Variants in MYO9A observed in about 807,000 individuals in gnomAD.
MYO9A encodes myosin IXA, also known as unconventional myosin-IXa.
A neutral mutation model predicts 293.3 loss-of-function variants in MYO9A; 103 were observed. The ratio of observed to expected loss-of-function variants is 0.35; its 90% CI spans 0.30 to 0.41. MYO9A has a LOEUF of 0.41. Ranked by LOEUF, MYO9A falls within the 10% of genes least tolerant of loss-of-function variation. MYO9A has a pLI of 1.00. For synonymous variants in MYO9A, 1,001 were observed against 1,035.7 expected, an observed-to-expected ratio of 0.97 and a Z score of 0.64; for missense variants, 2,685 against 3,033.0, an observed-to-expected ratio of 0.89 and a Z score of 2.69.
chr15:71,977,016 C>A (rs1052187893), intron 12 of MYO9A, among the ~76,000 whole-genome samples: 2 of 152,170 alleles, frequency 1.3e-5, no homozygotes, highest in African/African-American at 4.8e-5. Context: ...TCAGTTTCTC[C>A]AAATCTAGAT....
chr15:71,944,582 T>C (rs2058861863), intron 15 of MYO9A, among the ~76,000 whole-genome samples: 1 of 152,184 alleles, frequency 6.6e-6, no homozygotes, highest in African/African-American at 2.4e-5. Flanking sequence ...CCAGTTGTTC[T>C]AGTGCTATTT....
At position 71,925,351 on chromosome 15, in the gene MYO9A, T is replaced by G. The variant is rs1285904988; in HGVS notation, c.2562+8319A>C. On this transcript the variant is annotated intron_variant, in intron 18 of 41. Transcript: ENST00000356056. ...TATATACGTATATGTACATATATAC[T>G]TACATGTATATATACATATATACGT... Among the ~76,000 whole-genome samples the G allele has an allele frequency of 7.7e-5, 11 of 143,788 alleles. No individual in the cohort carries two copies. The East Asian group carries it at 1.4e-3, about 18-fold the overall frequency. 94.3% of individuals were successfully genotyped at this position (143,788 alleles called of 152,430 possible). A position where few individuals can be genotyped will look rare whatever the true frequency, so the allele number is the denominator to read the frequency against.
intron 2 of MYO9A, among the ~76,000 whole-genome samples, chr15:72,038,639 C>A (rs1365180548): frequency 1.3e-5 from 2 of 152,048 alleles, no homozygotes; most frequent in East Asian, 3.9e-4. Flanking sequence ...AACCAAAAAC[C>A]AGTAGGGTAA....
chr15:71,840,880 C>G (rs1038441592), intron 39 of MYO9A, among the ~76,000 whole-genome samples: 1 of 152,246 alleles, frequency 6.6e-6, no homozygotes, highest in Non-Finnish European at 1.5e-5. Flanking sequence ...ATCCGCCCAC[C>G]TCGGCCTCCC....
Position 71,994,519 on chromosome 15 carries a change from G to A in MYO9A, c.1537C>T (p.Arg513Ter), listed in dbSNP as rs767241062. Residue 513 changes from arginine (R) to a stop codon, truncating the protein, a stop_gained, in exon 10 of 42, where the codon CGA becomes TGA. Coordinates refer to ENST00000356056, the MANE Select transcript of MYO9A (RefSeq NM_006901.4). LOFTEE classifies it high-confidence loss of function. The part of the protein sequence containing the change: ...YSALFDWIVF[R>*]INHALLNSKD... The stretch of plus-strand genomic sequence containing the variant: ...CTATTCAGAAGTGCATGATTAATTC[G>A]AAAAACTATCCAGTCAAACAGGGCA... The A allele has an allele frequency of 3.1e-6, 5 of 1,611,598 alleles. No individual in the cohort carries two copies. Among genetic ancestry groups the A allele is most frequent in the Middle Eastern group, 1.7e-4 (1 of 6,048 alleles).
At chr15:71,999,815 C>T in intron 9 of MYO9A, 36 bp downstream of exon 9, 3 of 1,554,334 alleles carry the variant, frequency 1.9e-6, no homozygotes, top group Non-Finnish European at 2.6e-6. Context: ...CTAACAATGT[C>T]CAGAATGCTT....
intron 1 of MYO9A, among the ~76,000 whole-genome samples, chr15:72,048,823 T>C (rs951029669): frequency 3.3e-5 from 5 of 152,246 alleles, no homozygotes; most frequent in African/African-American, 1.2e-4. Flanking sequence ...GACATCTAAT[T>C]GACTCTTCTC....
chr15:71,890,726 A>G (rs1019406594), intron 26 of MYO9A: 1 of 152,202 alleles, frequency 6.6e-6, no homozygotes, highest in Non-Finnish European at 1.5e-5. Context: ...TTAATAATTT[A>G]AAAACTCAAA....
intron 1 of MYO9A, among the ~76,000 whole-genome samples, chr15:72,113,383 T>A (rs1374050060): frequency 2.0e-5 from 3 of 152,038 alleles, no homozygotes; most frequent in Non-Finnish European, 4.4e-5. Flanking sequence ...GAACATCAAA[T>A]GTAAAAGACG....
chr15:72,099,661 G>C (rs2080200847), intron 1 of MYO9A, among the ~76,000 whole-genome samples: 2 of 151,788 alleles, frequency 1.3e-5, no homozygotes, highest in African/African-American at 4.8e-5. Context: ...CCAGAATTTT[G>C]GGAGGCTGAG....
chr15:71,935,300 C>T, intron 17 of MYO9A, 41 bp downstream of exon 17: 1 of 1,519,508 alleles, frequency 6.6e-7, no homozygotes, highest in Non-Finnish European at 8.9e-7. Context: ...AGACAAAAAA[C>T]AAAAAACAAA....
intron 41 of MYO9A, 64 bp downstream of exon 41, chr15:71,827,820 T>C: frequency 6.6e-7 from 1 of 1,514,792 alleles, no homozygotes; most frequent in Non-Finnish European, 8.9e-7. Flanking sequence ...TGTCTTAGTT[T>C]TGGAATCTTT....
chr15:71,893,831 C>T (rs948732689), intron 25 of MYO9A, 53 bp from the exon 26 acceptor site: 12 of 1,446,586 alleles, frequency 8.3e-6, no homozygotes, highest in Non-Finnish European at 1.1e-5. Context: ...TATCCCATGG[C>T]AGCCAGGTTA....
At chr15:72,110,974 A>G (rs1020099765) in intron 1 of MYO9A, among the ~76,000 whole-genome samples, 2 of 151,990 alleles carry the variant, frequency 1.3e-5, no homozygotes, top group African/African-American at 4.8e-5. Context: ...CCTGACTAAC[A>G]TGGTGAAGCC....
intron 30 of MYO9A, among the ~76,000 whole-genome samples, chr15:71,879,119 G>A (rs1239810382): frequency 6.6e-6 from 1 of 151,946 alleles, no homozygotes; most frequent in Non-Finnish European, 1.5e-5. Context: ...AGAATATATT[G>A]AACAATGAAA....
At chr15:71,855,774 T>G (rs115319583) in intron 34 of MYO9A, among the ~76,000 whole-genome samples, 1,918 of 152,286 alleles carry the variant, frequency 0.013, 56 homozygotes, top group Admixed American at 0.058. Flanking sequence ...CTTGGCGAGT[T>G]TTCCCCATAT....
At chr15:72,084,184 G>A (rs112023858) in intron 1 of MYO9A, among the ~76,000 whole-genome samples, 15 of 152,246 alleles carry the variant, frequency 9.9e-5, no homozygotes, top group African/African-American at 3.6e-4. Flanking sequence ...CCTGTGTTGG[G>A]TGCATATATA....
rs527307318 is a variant in MYO9A at position 71,998,695 on chromosome 15, A to G, written c.1470+1156T>C. On this transcript the variant is annotated intron_variant, in intron 9 of 41. Transcript: ENST00000356056. ...TGCACCCATTAACTCGTCATTTAGC[A>G]TTAGGGATATCTCCTAATGCTATCC... Among the ~76,000 whole-genome samples, 58 of 152,034 alleles carry G rather than the reference A, an allele frequency of 3.8e-4. No individual in the cohort carries two copies. In the Middle Eastern group the frequency reaches 0.01, roughly 27 times the overall value.
intron 15 of MYO9A, among the ~76,000 whole-genome samples, chr15:71,941,338 G>A (rs1341359475): frequency 6.6e-6 from 1 of 152,070 alleles, no homozygotes; most frequent in South Asian, 2.1e-4. Flanking sequence ...AGGAGGCTGA[G>A]GGAGGAGAAT....
Sources: allele counts gnomAD v4.1 joint callset (sites outside exome capture counted in the v4.1 genomes callset), GRCh38; gene constraint gnomAD v4.1.1; transcripts MANE v1.5; gene names NCBI Gene and HGNC (gene_info 2026-07-23, HGNC 2026-07-21).